Variants in TMEM51 observed in about 807,000 individuals in gnomAD.
TMEM51 encodes the protein chromosome 1 open reading frame 72.
Under a neutral mutation model 13.6 loss-of-function variants are expected in TMEM51, and 8 were observed. That is an observed-to-expected ratio of 0.59 (90% CI 0.35 to 1.07). TMEM51 has a LOEUF of 1.07. Among genes scored for constraint, TMEM51 ranks in the 50% least tolerant of loss-of-function variants. TMEM51 has a pLI of 0.02. For synonymous variants in TMEM51, 147 were observed against 144.4 expected, an observed-to-expected ratio of 1.02 and a Z score of -0.13; for missense variants, 279 against 330.7, an observed-to-expected ratio of 0.84 and a Z score of 1.21.
Position 15,207,686 on chromosome 1 carries a change from T to A in TMEM51, c.-266-2804T>A, listed in dbSNP as rs1644275142. Among the ~76,000 whole-genome samples, 1 of 152,172 alleles carries A rather than the reference T, an allele frequency of 6.6e-6. No homozygotes were observed. The highest frequency in any genetic ancestry group is 1.5e-5 in the Non-Finnish European group (1 of 68,022). On this transcript the variant is annotated intron_variant, in intron 1 of 3. Transcript: ENST00000376008. The surrounding 1 kb of genome is among the most constrained non-coding windows in gnomAD (Gnocchi z 4.6). ...GAGTGGAAAGAGCCTCTGCCCAGCG[T>A]GGAGCGGTGAGGCTAAAGGCTTCCA...
At chr1:15,211,615 G>A (rs557905720) in intron 2 of TMEM51, among the ~76,000 whole-genome samples, 30 of 152,170 alleles carry the variant, frequency 2.0e-4, no homozygotes, top group African/African-American at 5.5e-4. Flanking sequence ...TAACTTGCCC[G>A]AGGTCACACA....
chr1:15,219,330 G>A lies in TMEM51; in HGVS notation c.349G>A (p.Glu117Lys), dbSNP rs1421223746. 6.3e-7 allele frequency: 1 copy of A among 1,574,998 alleles called. No individual in the cohort carries two copies. Among genetic ancestry groups the A allele is most frequent in the Non-Finnish European group, 8.6e-7 (1 of 1,158,818 alleles). Reference sequence around the variant, plus strand: ...TGTCTGTGTGTCTTCTTGCAGCCAGGAGGAAGAAGAGGAGGATGAGGAGGC... The same window carrying A: ...TGTCTGTGTGTCTTCTTGCAGCCAGAAGGAAGAAGAGGAGGATGAGGAGGC... ...GPHAQEEDSQ[E>K]EEEEDEEAAS... The change falls in exon 4 of 4, where the codon GAG (glutamate) becomes AAG (lysine). Residue 117 changes from glutamate to lysine, a missense_variant. Physicochemically the swap from Glu to Lys is moderately conservative, Grantham distance 56. Transcript: ENST00000376008.
chr1:15,204,978 GA>G (rs962980192), intron 1 of TMEM51, among the ~76,000 whole-genome samples: 30 of 152,162 alleles, frequency 2.0e-4, no homozygotes, highest in African/African-American at 7.0e-4. Context: ...ACATTGGGCT[GA>G]CGGGGACAGG....
At chr1:15,189,316 A>G (rs1643881763) in intron 1 of TMEM51, among the ~76,000 whole-genome samples, 1 of 147,188 alleles carries the variant, frequency 6.8e-6, no homozygotes, top group African/African-American at 2.5e-5. Context: ...TCGGCCTCCC[A>G]AAGTGCTGGG....
upstream of TMEM51, chr1:15,152,711 G>C (rs1177707859): frequency 6.6e-6 from 1 of 152,286 alleles, no homozygotes; most frequent in Admixed American, 6.5e-5. Flanking sequence ...GCTGAAACCA[G>C]CCCACCCTAG....
chr1:15,154,752 C>T (rs536693536), intron 1 of TMEM51, among the ~76,000 whole-genome samples: 1 of 152,182 alleles, frequency 6.6e-6, no homozygotes, highest in East Asian at 1.9e-4. Flanking sequence ...GCCCCTCCCC[C>T]ACGGTTTCCC....
chr1:15,167,574 T>C (rs1318764476), intron 1 of TMEM51, among the ~76,000 whole-genome samples: 2 of 152,200 alleles, frequency 1.3e-5, no homozygotes, highest in Admixed American at 1.3e-4. Context: ...ATTGGGTTTG[T>C]ATGTGAGTGT....
At chr1:15,153,246 T>C (rs1045593019), upstream of TMEM51, among the ~76,000 whole-genome samples, 2 of 151,860 alleles carry the variant, frequency 1.3e-5, no homozygotes, top group African/African-American at 4.8e-5. Flanking sequence ...GAGGTGAGTA[T>C]CCCGCCAGGT....
intron 1 of TMEM51, among the ~76,000 whole-genome samples, chr1:15,172,129 C>A (rs994081619): frequency 1.3e-5 from 2 of 152,172 alleles, no homozygotes; most frequent in Non-Finnish European, 2.9e-5. Context: ...GTAATCCCAG[C>A]ACTTTGGGAG....
In TMEM51 at chr1:15,207,541, C is replaced by T. The variant is rs577433252; in HGVS notation, c.-266-2949C>T. Among the ~76,000 whole-genome samples the T allele has an allele frequency of 8.0e-4, 122 of 152,302 alleles. No homozygotes were observed. The highest frequency in any genetic ancestry group is 9.6e-4 in the East Asian group (5 of 5,184). ...TCCAGATGTGCCTGGCTGTGATGGC[C>T]CCACTCAGGTCTCAGCCACTCTGAT... On this transcript the variant is annotated intron_variant, in intron 1 of 3. Transcript: ENST00000376008. This position sits in a 1 kb window ranked among gnomAD's most constrained non-coding sequence, Gnocchi z 4.6.
At chr1:15,185,454 G>A (rs1162965105) in intron 1 of TMEM51, among the ~76,000 whole-genome samples, 1 of 152,228 alleles carries the variant, frequency 6.6e-6, no homozygotes, top group Non-Finnish European at 1.5e-5. Flanking sequence ...TACTGTACAG[G>A]TGGGAAAACT....
chr1:15,154,617 G>T (rs1321213983), intron 1 of TMEM51, among the ~76,000 whole-genome samples: 1 of 152,150 alleles, frequency 6.6e-6, no homozygotes, highest in Non-Finnish European at 1.5e-5. Context: ...CGGGCCTAGG[G>T]GAGAGCAGAG....
At chr1:15,189,622 T>C (rs751829658) in intron 1 of TMEM51, among the ~76,000 whole-genome samples, 3 of 152,138 alleles carry the variant, frequency 2.0e-5, no homozygotes, top group African/African-American at 4.8e-5. Flanking sequence ...AGGAGGATGA[T>C]CTGGTTTTGA....
chr1:15,175,600 G>T (rs986765017), intron 1 of TMEM51, among the ~76,000 whole-genome samples: 2 of 152,180 alleles, frequency 1.3e-5, no homozygotes, highest in Admixed American at 1.3e-4. Flanking sequence ...AAAGGAAAGA[G>T]GTTTAATTGA....
At chr1:15,180,878 A>G (rs1393768448) in intron 1 of TMEM51, among the ~76,000 whole-genome samples, 1 of 152,244 alleles carries the variant, frequency 6.6e-6, no homozygotes, top group Non-Finnish European at 1.5e-5. Context: ...CCAAGGTCAT[A>G]TAGCTAGAAA....
At chr1:15,157,919 T>A (rs1462971614) in intron 1 of TMEM51, among the ~76,000 whole-genome samples, 3 of 152,124 alleles carry the variant, frequency 2.0e-5, no homozygotes, top group African/African-American at 7.2e-5. Context: ...TTTATTCAGG[T>A]TTTTGTTTGC....
intron 1 of TMEM51, among the ~76,000 whole-genome samples, chr1:15,158,381 C>G (rs530031354): frequency 2.6e-5 from 4 of 152,258 alleles, no homozygotes; most frequent in African/African-American, 9.6e-5. Context: ...GGGTGTGATG[C>G]GTGTGACCCA....
intron 1 of TMEM51, among the ~76,000 whole-genome samples, chr1:15,208,060 G>T (rs1644280560): frequency 6.6e-6 from 1 of 152,194 alleles, no homozygotes; most frequent in Non-Finnish European, 1.5e-5. Flanking sequence ...CGGTGCTGGG[G>T]CCTGGAGCAG....
rs148121018 is a variant in TMEM51, at chr1:15,179,345, A to G, written c.-267+25391A>G. ...GGAAACATCCCAGCTGTCCCTCAGC[A>G]GGCCAACAGCTAAACAAACTGATAC... On this transcript the variant is annotated intron_variant, in intron 1 of 3. Transcript: ENST00000376008. Among the ~76,000 whole-genome samples, 5 of 152,312 alleles carry G rather than the reference A, an allele frequency of 3.3e-5. No homozygotes were observed. In the East Asian group the frequency reaches 7.7e-4, roughly 24 times the overall value.
Sources: allele counts gnomAD v4.1 joint callset (sites outside exome capture counted in the v4.1 genomes callset), GRCh38; gene constraint gnomAD v4.1.1; non-coding constraint Gnocchi (gnomAD v3.1); transcripts MANE v1.5; gene names NCBI Gene and HGNC (gene_info 2026-07-23, HGNC 2026-07-21).